Variants in STOX2 observed in about 807,000 individuals in gnomAD.
STOX2 encodes storkhead box 2.
A neutral mutation model predicts 60.9 loss-of-function variants in STOX2; 28 were observed. The observed-to-expected ratio is 0.46, with a 90% CI of 0.34 to 0.63. STOX2 has a LOEUF of 0.63. Among genes scored for constraint, STOX2 ranks in the 30% least tolerant of loss-of-function variants. The pLI is 0.01. For missense variants in STOX2, 1,024 were observed against 1,187.7 expected, an observed-to-expected ratio of 0.86 and a Z score of 2.03; for synonymous variants, 472 against 463.9, an observed-to-expected ratio of 1.02 and a Z score of -0.22.
chr4:183,862,320 C>T (rs1740467927), intron 1 of STOX2, among the ~76,000 whole-genome samples: 2 of 152,160 alleles, frequency 1.3e-5, no homozygotes, highest in South Asian at 4.1e-4. Context: ...GGATTACAGG[C>T]ACATGCCATC....
At position 183,833,182 on chromosome 4, in the gene STOX2, C is replaced by T. The variant is rs1178857976; in HGVS notation, c.364+35127C>T. On this transcript the variant is annotated intron_variant, in intron 1 of 2. Coordinates refer to the STOX2 transcript ENST00000513034. ...AGTTCTTTTTTTATTGCCTAATAAC[C>T]GCTTGCAAGAAGTCAAGTCCAGACT... is the stretch of plus-strand genomic sequence containing the variant. Among the ~76,000 whole-genome samples, 8 of 152,116 alleles carry T rather than the reference C, an allele frequency of 5.3e-5. No individual in the cohort carries two copies. In the South Asian group the frequency reaches 6.2e-4, roughly 12 times the overall value.
intron 1 of STOX2, among the ~76,000 whole-genome samples, chr4:183,975,583 A>G (rs926702162): frequency 6.6e-6 from 1 of 152,120 alleles, no homozygotes; most frequent in African/African-American, 2.4e-5. Context: ...AAATGGACCA[A>G]ATCCTAGAAA....
intron 1 of STOX2, among the ~76,000 whole-genome samples, chr4:183,893,013 A>G (rs796421241): frequency 4.6e-5 from 7 of 152,304 alleles, no homozygotes; most frequent in African/African-American, 1.7e-4. Context: ...AGCACAGAGT[A>G]TCTAGGGCCA....
rs1054164092 is a variant in STOX2 at position 183,836,363 on chromosome 4, A to G, written c.364+38308A>G. Among the ~76,000 whole-genome samples, 118 of 152,324 alleles carry G rather than the reference A, an allele frequency of 7.7e-4. No individual in the cohort carries two copies. The highest frequency in any genetic ancestry group is 2.7e-3 in the African/African-American group (114 of 41,582). On this transcript the variant is annotated intron_variant, in intron 1 of 2. Coordinates refer to the STOX2 transcript ENST00000513034. This position sits in a 1 kb window ranked among gnomAD's most constrained non-coding sequence, Gnocchi z 4.1. ...AGCAACAGTGGTCTGAGGACCACTA[A>G]AAATAAACATAAGGAGTGTCACTAC...
chr4:183,994,838 C>T (rs1361865530), intron 1 of STOX2, among the ~76,000 whole-genome samples: 12 of 151,816 alleles, frequency 7.9e-5, no homozygotes. Flanking sequence ...TCAAAGATAA[C>T]TCTTCAACCC....
intron 1 of STOX2, among the ~76,000 whole-genome samples, chr4:183,899,967 T>A (rs1040194595): frequency 6.6e-6 from 1 of 152,162 alleles, no homozygotes; most frequent in Non-Finnish European, 1.5e-5. Context: ...GCTGGTGACT[T>A]TAAGTTGAAG....
chr4:183,827,218 A>T (rs1215765069), intron 1 of STOX2, among the ~76,000 whole-genome samples: 2 of 152,168 alleles, frequency 1.3e-5, no homozygotes, highest in Non-Finnish European at 2.9e-5. Flanking sequence ...ATGGAATAGC[A>T]TGGGTGCGGT....
chr4:183,889,333 C>T (rs537582881), intron 1 of STOX2, among the ~76,000 whole-genome samples: 166 of 152,114 alleles, frequency 1.1e-3, no homozygotes, highest in African/African-American at 3.8e-3. Context: ...CAGACAGGGA[C>T]GGTAATGCAG....
chr4:183,907,050 T>A, intron 1 of STOX2, 94 bp downstream of exon 1: 1 of 1,078,026 alleles, frequency 9.3e-7, no homozygotes, highest in Non-Finnish European at 1.3e-6. Context: ...GGACGGGCAG[T>A]GATGGATGCG....
At chr4:183,822,644 C>G (rs545040754) in intron 1 of STOX2, among the ~76,000 whole-genome samples, 1 of 152,330 alleles carries the variant, frequency 6.6e-6, no homozygotes, top group Non-Finnish European at 1.5e-5. Flanking sequence ...GGAGGCGCAG[C>G]TCAGGTGGCC....
intron 1 of STOX2, among the ~76,000 whole-genome samples, chr4:183,962,281 G>C (rs762656409): frequency 6.6e-6 from 1 of 151,778 alleles, no homozygotes; most frequent in South Asian, 2.1e-4. Context: ...TTTCTTAATC[G>C]TCATAGGAAG....
intron 1 of STOX2, among the ~76,000 whole-genome samples, chr4:183,911,975 C>T (rs1741794214): frequency 6.6e-6 from 1 of 152,146 alleles, no homozygotes; most frequent in African/African-American, 2.4e-5. Context: ...AAAGAAAGGA[C>T]ATGGGTAATT....
rs550462561 is a variant in STOX2, at chr4:183,930,013, C to A, written c.166+23057C>A. Among the ~76,000 whole-genome samples, 3 of 151,780 alleles carry A rather than the reference C, an allele frequency of 2.0e-5. No homozygotes were observed. In the South Asian group the frequency reaches 6.3e-4, roughly 32 times the overall value. ...CGAGTAGCTGGGACTATGGGCGCCC[C>A]TCACCACGCCTGGCTAATTTTTTGT... is the stretch of plus-strand genomic sequence containing the variant. On this transcript the variant is annotated intron_variant, in intron 1 of 3. Coordinates refer to ENST00000308497, the MANE Select transcript of STOX2 (RefSeq NM_020225.3).
chr4:183,929,330 C>T (rs1433364333), intron 1 of STOX2, among the ~76,000 whole-genome samples: 2 of 152,122 alleles, frequency 1.3e-5, no homozygotes, highest in Non-Finnish European at 2.9e-5. Flanking sequence ...TGGTATTGGC[C>T]TTCCTTTGAA....
intron 1 of STOX2, among the ~76,000 whole-genome samples, chr4:183,815,010 T>G (rs1464811374): frequency 6.6e-6 from 1 of 152,112 alleles, no homozygotes; most frequent in East Asian, 1.9e-4. Context: ...TTTATTTTAT[T>G]TTTTTTCAAG....
At chr4:183,879,901 CGG>C (rs1740917036) in intron 1 of STOX2, among the ~76,000 whole-genome samples, 1 of 152,214 alleles carries the variant, frequency 6.6e-6, no homozygotes, top group Non-Finnish European at 1.5e-5. Flanking sequence ...CGTACCACGT[CGG>C]AAGTCAGAGA....
chr4:183,892,938 A>C (rs914778344), intron 1 of STOX2, among the ~76,000 whole-genome samples: 8 of 152,198 alleles, frequency 5.3e-5, no homozygotes, highest in Non-Finnish European at 1.5e-5. Flanking sequence ...ATTTAGCTTT[A>C]AAAATGTATC....
chr4:183,850,981 G>T (rs1358915611), intron 1 of STOX2, among the ~76,000 whole-genome samples: 3 of 127,936 alleles, frequency 2.3e-5, no homozygotes, highest in Non-Finnish European at 5.0e-5. Flanking sequence ...TGAGGGAAAC[G>T]ATGAGAAAGG....
chr4:184,013,088 C>G (rs953246726), intron 3 of STOX2, among the ~76,000 whole-genome samples: 18 of 152,124 alleles, frequency 1.2e-4, no homozygotes, highest in Admixed American at 8.5e-4. Context: ...TTCACATGCT[C>G]GTTTTAAACC....
Sources: allele counts gnomAD v4.1 joint callset (sites outside exome capture counted in the v4.1 genomes callset), GRCh38; gene constraint gnomAD v4.1.1; non-coding constraint Gnocchi (gnomAD v3.1); transcripts MANE v1.5; gene names NCBI Gene and HGNC (gene_info 2026-07-23, HGNC 2026-07-21).